Variants in SPTBN1 observed in about 807,000 individuals in gnomAD.
SPTBN1 encodes spectrin beta chain, non-erythrocytic 1.
In SPTBN1, 32 loss-of-function variants were observed where a neutral mutation model predicts 266.4. The ratio of observed to expected loss-of-function variants is 0.12; its 90% CI spans 0.09 to 0.16. SPTBN1 has a LOEUF of 0.16. Ranked by LOEUF, SPTBN1 falls within the 10% of genes least tolerant of loss-of-function variation. The pLI, the probability that SPTBN1 is intolerant of heterozygous loss-of-function variation, is 1.00. For synonymous variants in SPTBN1, 1,336 were observed against 1,162.2 expected (o/e 1.15, Z -3.04); for missense variants, 2,296 against 3,067.1 (o/e 0.75, Z 5.94).
chr2:54,659,191 A>T lies in SPTBN1; in HGVS notation c.6281A>T (p.Glu2094Val). 1 of 1,614,128 alleles carries T rather than the reference A, an allele frequency of 6.2e-7. No individual in the cohort carries two copies. Among genetic ancestry groups the T allele is most frequent in the Non-Finnish European group, 8.5e-7 (1 of 1,179,996 alleles). The change falls in exon 31 of 36, where the codon GAG becomes GTG. Residue 2094 changes from glutamate (E) to valine (V), a missense_variant. Glu to Val is a moderately radical substitution (Grantham distance 121). This residue lies in a region of SPTBN1 where 347 missense variants were observed against 368.5 expected (regional missense o/e 0.94). Transcript: ENST00000356805. ...LLEVRRQQEE[E>V]ERKRRPPSPE... The stretch of plus-strand genomic sequence containing the variant: ...GAAGTGCGCAGACAGCAAGAGGAAG[A>T]GGAGAGGAAGAGGCGGCCGCCTTCT...
intron 26 of SPTBN1, chr2:54,652,659 A>G (rs1183572097): frequency 6.6e-6 from 1 of 152,214 alleles, no homozygotes; most frequent in African/African-American, 2.4e-5. Context: ...GGTACTGCCC[A>G]TTTACCTTCT....
At chr2:54,622,197 T>G (rs1445746164) in intron 8 of SPTBN1, 103 bp from the exon 9 acceptor site, 4 of 1,296,652 alleles carry the variant, frequency 3.1e-6, no homozygotes, top group Non-Finnish European at 4.3e-6. Flanking sequence ...CCAAACTGTT[T>G]CAAAGCCGGT....
At chr2:54,466,972 A>T (rs1426983170) in intron 1 of SPTBN1, among the ~76,000 whole-genome samples, 1 of 152,084 alleles carries the variant, frequency 6.6e-6, no homozygotes, top group Admixed American at 6.6e-5. Flanking sequence ...TTCATTACTT[A>T]TGCAGAGTGT....
chr2:54,667,116 A>G (rs1378965805), intron 34 of SPTBN1, among the ~76,000 whole-genome samples: 2 of 152,318 alleles, frequency 1.3e-5, no homozygotes, highest in East Asian at 3.9e-4. Context: ...TGTCACACTA[A>G]TAGGGCTTCT....
intron 2 of SPTBN1, among the ~76,000 whole-genome samples, chr2:54,556,585 C>T (rs1030612848): frequency 6.6e-6 from 1 of 152,054 alleles, no homozygotes; most frequent in East Asian, 1.9e-4. Flanking sequence ...TATCATTTCA[C>T]CAGTATACTT....
Position 54,533,971 on chromosome 2 carries a change from G to A in SPTBN1, c.148+7405G>A, listed in dbSNP as rs1249016113. On this transcript the variant is annotated intron_variant, in intron 2 of 35. Coordinates refer to ENST00000356805, the MANE Select transcript of SPTBN1 (RefSeq NM_003128.3). The surrounding 1 kb of genome is among the most constrained non-coding windows in gnomAD (Gnocchi z 4.2). ...ACACACACCCCAGTCATTTTAAGGG[G>A]TAGGGTCTAGTGACCTAAAGAGCAC... Among the ~76,000 whole-genome samples, 1 of 152,110 alleles carries A rather than the reference G, an allele frequency of 6.6e-6. No homozygotes were observed. The highest frequency in any genetic ancestry group is 2.4e-5 in the African/African-American group (1 of 41,402).
At chr2:54,530,835 C>G (rs1352294641) in intron 2 of SPTBN1, among the ~76,000 whole-genome samples, 3 of 152,054 alleles carry the variant, frequency 2.0e-5, no homozygotes, top group Admixed American at 2.0e-4. Flanking sequence ...CTTTTGTTAC[C>G]CATAAGGTGT....
At chr2:54,506,142 A>G (rs1473701134) in intron 1 of SPTBN1, among the ~76,000 whole-genome samples, 1 of 150,648 alleles carries the variant, frequency 6.6e-6, no homozygotes, top group Non-Finnish European at 1.5e-5. Context: ...TAAATAAATA[A>G]ATAAATAAAT....
At chr2:54,658,931 C>T (rs914292129) in intron 30 of SPTBN1, among the ~76,000 whole-genome samples, 3 of 152,182 alleles carry the variant, frequency 2.0e-5, no homozygotes, top group African/African-American at 7.2e-5. Context: ...AAACAACTCA[C>T]AGGAATTTTG....
At chr2:54,655,867 G>T in intron 28 of SPTBN1, 47 bp from the exon 29 acceptor site, 1 of 1,433,840 alleles carries the variant, frequency 7.0e-7, no homozygotes, top group Non-Finnish European at 9.8e-7. Flanking sequence ...TCAAGAGGAT[G>T]TGGTGCATTC....
At chr2:54,592,760 T>C (rs1002864544) in intron 2 of SPTBN1, among the ~76,000 whole-genome samples, 1 of 152,198 alleles carries the variant, frequency 6.6e-6, no homozygotes, top group African/African-American at 2.4e-5. Flanking sequence ...CAACAAAAGA[T>C]AGTGAATCTC....
chr2:54,581,710 T>C (rs1294151773), intron 2 of SPTBN1, among the ~76,000 whole-genome samples: 1 of 151,954 alleles, frequency 6.6e-6, no homozygotes, highest in Non-Finnish European at 1.5e-5. Flanking sequence ...CTTTTTCTCT[T>C]GTCATTACTA....
Position 54,492,341 on chromosome 2 carries a change from G to GTTTTTTT in SPTBN1, c.-47-34030_-47-34024dup, listed in dbSNP as rs780631106. On this transcript the variant is annotated intron_variant, in intron 1 of 35. Coordinates refer to ENST00000356805, the MANE Select transcript of SPTBN1 (RefSeq NM_003128.3). ...CTGGACATTTAGTTTGTCTGCAGTT[G>GTTTTTTT]TTTTTTTGTTTTTTTTTTTTTTTGC... 4.0e-4 allele frequency among the ~76,000 whole-genome samples: 35 copies of GTTTTTTT among 88,380 alleles called. 1 individual carries two copies. Among genetic ancestry groups the GTTTTTTT allele is most frequent in the African/African-American group, 7.4e-4 (18 of 24,164 alleles). 58.0% of individuals were successfully genotyped at this position (88,380 alleles called of 152,430 possible). A position where few individuals can be genotyped will look rare whatever the true frequency, so the allele number is the denominator to read the frequency against.
chr2:54,647,433 T>C (rs1234974843), intron 24 of SPTBN1, among the ~76,000 whole-genome samples, 172 bp downstream of exon 24: 2 of 152,186 alleles, frequency 1.3e-5, no homozygotes, highest in African/African-American at 2.4e-5. Flanking sequence ...CTATCATGAT[T>C]AGGATGGGTG....
intron 26 of SPTBN1, chr2:54,652,889 CT>C (rs1680391223): frequency 1.3e-5 from 2 of 151,322 alleles, no homozygotes; most frequent in Non-Finnish European, 2.9e-5. Flanking sequence ...TTCTTTCTTT[CT>C]TTCTTTCTTT....
At position 54,608,884 on chromosome 2, in the gene SPTBN1, A is replaced by G. The variant is rs1354128556; in HGVS notation, c.301-3277A>G. Among the ~76,000 whole-genome samples, 4 of 152,210 alleles carry G rather than the reference A, an allele frequency of 2.6e-5. No homozygotes were observed. In the East Asian group the frequency reaches 7.7e-4, roughly 29 times the overall value. On this transcript the variant is annotated intron_variant, in intron 3 of 35. Transcript: ENST00000356805. The stretch of plus-strand genomic sequence containing the variant: ...ATATTTTGCATGTTATGTGTATTAC[A>G]TTACTGTAGTCTTAAAGTAAGCTAG...
intron 2 of SPTBN1, among the ~76,000 whole-genome samples, chr2:54,552,094 C>T (rs971285148): frequency 3.9e-5 from 6 of 152,156 alleles, no homozygotes; most frequent in African/African-American, 1.4e-4. Context: ...GAGAAATGCC[C>T]TTTGCCAAAA....
At chr2:54,576,015 T>TAATG (rs1674438742) in intron 2 of SPTBN1, among the ~76,000 whole-genome samples, 5 of 151,262 alleles carry the variant, frequency 3.3e-5, no homozygotes, top group African/African-American at 1.2e-4. Flanking sequence ...TGGATGATGG[T>TAATG]AATGGTCTGT....
rs776446832 is a variant in SPTBN1 at position 54,626,723 on chromosome 2, C to A, written c.1644+489C>A. On this transcript the variant is annotated intron_variant, in intron 12 of 35. Transcript: ENST00000356805. This position sits in a 1 kb window ranked among gnomAD's most constrained non-coding sequence, Gnocchi z 4.7. ...GCCTAATCCTCTTTGAGCCCTCTTT[C>A]TTGGTCTTTAAATGGAGATTGTACT... 7.2e-5 allele frequency among the ~76,000 whole-genome samples: 11 copies of A among 152,188 alleles called. No homozygotes were observed. The highest frequency in any genetic ancestry group is 1.2e-4 in the Non-Finnish European group (8 of 68,042).
Sources: gnomAD v4.1 joint callset for allele counts (sites outside exome capture counted in the v4.1 genomes callset) on GRCh38, gnomAD v4.1.1 for gene constraint, gnomAD v4.1.1 regional missense constraint, Gnocchi (gnomAD v3.1) non-coding constraint, MANE v1.5 for transcripts, NCBI Gene and HGNC (gene_info 2026-07-23, HGNC 2026-07-21) for gene names.